The following NEK5 variants were observed in gnomAD, a reference collection of about 807,000 sequenced individuals.
NEK5 encodes NIMA related kinase 5, also known as serine/threonine-protein kinase Nek5.
In NEK5, 88 loss-of-function variants were observed where a neutral mutation model predicts 109.2. The ratio of observed to expected loss-of-function variants is 0.81; its 90% CI spans 0.68 to 0.96. The LOEUF (loss-of-function observed/expected upper bound fraction) is 0.96, where lower values mean the gene tolerates loss of function less well. Among genes scored for constraint, NEK5 ranks in the 40% least tolerant of loss-of-function variants. The pLI is 0.00. For missense variants in NEK5, 834 were observed against 920.7 expected, an observed-to-expected ratio of 0.91 and a Z score of 1.22; for synonymous variants, 283 against 299.9, an observed-to-expected ratio of 0.94 and a Z score of 0.58.
intron 5 of NEK5, among the ~76,000 whole-genome samples, chr13:52,110,894 A>C (rs1266964210): frequency 6.6e-6 from 1 of 151,980 alleles, no homozygotes; most frequent in Non-Finnish European, 1.5e-5. Flanking sequence ...TTTTTTTCCT[A>C]CTTAACCCTG....
At chr13:52,063,153 G>A (rs1007061124) in intron 21 of NEK5, among the ~76,000 whole-genome samples, 1 of 151,792 alleles carries the variant, frequency 6.6e-6, no homozygotes, top group African/African-American at 2.4e-5. Flanking sequence ...TTGCCATCTC[G>A]GCTCACTGCA....
intron 12 of NEK5, 139 bp from the exon 13 acceptor site, chr13:52,093,374 A>G (rs1434871702): frequency 1.6e-5 from 9 of 563,712 alleles, no homozygotes; most frequent in Non-Finnish European, 2.5e-5. Flanking sequence ...AGCCTGGCCA[A>G]CATGGCAAAA....
chr13:52,095,855 G>A (rs935776060), intron 12 of NEK5, among the ~76,000 whole-genome samples: 4 of 152,170 alleles, frequency 2.6e-5, no homozygotes, highest in Non-Finnish European at 4.4e-5. Flanking sequence ...AGCCTGGGAG[G>A]TCGAGTGATA....
chr13:52,065,554 T>C lies in NEK5; in HGVS notation c.1905A>G (p.Gly635=), dbSNP rs1210813110. ...TCATCTGCAGCAGAGTCTGAGGCGC[T>C]CCTCCATCCCACTGCCTCCTGTTTC... The part of the protein sequence containing the change: ...AVGNRRQWDG[G]APQTLLQMMA... Residue 635 remains glycine (G), a synonymous_variant, in exon 21 of 24, where the codon GGA becomes GGG. Coordinates refer to ENST00000684899, the MANE Select transcript of NEK5 (RefSeq NM_001365552.1). 1 of 1,614,092 alleles carries C rather than the reference T, an allele frequency of 6.2e-7. No individual in the cohort carries two copies. Among genetic ancestry groups the C allele is most frequent in the Admixed American group, 1.7e-5 (1 of 60,024 alleles).
chr13:52,108,187 A>G, intron 8 of NEK5, 131 bp downstream of exon 8: 1 of 613,766 alleles, frequency 1.6e-6, no homozygotes, highest in Non-Finnish European at 2.8e-6. Context: ...AATTTCACAC[A>G]TGAAGCAAAT....
intron 4 of NEK5, among the ~76,000 whole-genome samples, chr13:52,117,174 C>T (rs557938798): frequency 6.6e-6 from 1 of 152,354 alleles, no homozygotes; most frequent in East Asian, 1.9e-4. Flanking sequence ...CCGCCTCGGC[C>T]TCCCAGGGTG....
intron 9 of NEK5, among the ~76,000 whole-genome samples, chr13:52,104,157 A>G (rs1440748641): frequency 6.6e-6 from 1 of 151,940 alleles, no homozygotes; most frequent in African/African-American, 2.4e-5. Flanking sequence ...ACGGGGTGTC[A>G]CCATCATGTT....
intron 17 of NEK5, among the ~76,000 whole-genome samples, chr13:52,080,681 T>C (rs1264042452): frequency 2.6e-5 from 4 of 152,048 alleles, no homozygotes; most frequent in African/African-American, 9.7e-5. Context: ...GTTAAACAGA[T>C]GCTTGAAGGC....
chr13:52,057,578 C>T (rs1426681486), intron 22 of NEK5, among the ~76,000 whole-genome samples: 1 of 152,166 alleles, frequency 6.6e-6, no homozygotes, highest in Non-Finnish European at 1.5e-5. Flanking sequence ...AATCCAGCAG[C>T]ACATCAAAAA....
Position 52,065,582 on chromosome 13 carries a change from A to G in NEK5, c.1877T>C (p.Val626Ala). 2 of 1,613,934 alleles carry G rather than the reference A, an allele frequency of 1.2e-6. No individual in the cohort carries two copies. The highest frequency in any genetic ancestry group is 1.7e-6 in the Non-Finnish European group (2 of 1,179,812). ...AGFSTQTVAA[V>A]GNRRQWDGGA... Reference sequence around the variant, plus strand: ...TCCATCCCACTGCCTCCTGTTTCCCACAGCAGCTACAGTCTGCGTGGAAAA... The same window carrying G: ...TCCATCCCACTGCCTCCTGTTTCCCGCAGCAGCTACAGTCTGCGTGGAAAA... The change falls in exon 21 of 24, where the codon GTG (valine) becomes GCG (alanine). Residue 626 changes from valine to alanine, a missense_variant. By Grantham distance (64) the Val-to-Ala change is moderately conservative. Coordinates refer to ENST00000684899, the MANE Select transcript of NEK5 (RefSeq NM_001365552.1).
intron 23 of NEK5, among the ~76,000 whole-genome samples, chr13:52,039,000 T>C (rs1244434379): frequency 6.6e-6 from 1 of 152,040 alleles, no homozygotes; most frequent in Non-Finnish European, 1.5e-5. Context: ...GTAGTAGATA[T>C]TCAAAACAGG....
chr13:52,052,588 T>C (rs923942860), intron 22 of NEK5, among the ~76,000 whole-genome samples: 2 of 152,192 alleles, frequency 1.3e-5, no homozygotes, highest in African/African-American at 4.8e-5. Context: ...GTGAGATCCT[T>C]GATTTTGAAA....
chr13:52,126,380 C>A, intron 3 of NEK5, among the ~76,000 whole-genome samples: 1 of 152,076 alleles, frequency 6.6e-6, no homozygotes, highest in African/African-American at 2.4e-5. Flanking sequence ...TGTTTAGCAC[C>A]TATTATGTGA....
intron 22 of NEK5, among the ~76,000 whole-genome samples, chr13:52,055,229 CAAG>C (rs1013375927): frequency 2.0e-5 from 3 of 151,980 alleles, no homozygotes; most frequent in African/African-American, 7.3e-5. Context: ...TGAAATGAAG[CAAG>C]AAGGGAAGTT....
chr13:52,127,674 C>A lies in NEK5; in HGVS notation c.-90-12G>T. The A allele has an allele frequency of 1.9e-6, 1 of 536,226 alleles. No individual in the cohort carries two copies. The highest frequency in any genetic ancestry group is 2.5e-5 in the South Asian group (1 of 39,652). 33.2% of individuals were successfully genotyped at this position (536,226 alleles called of 1,614,324 possible). A position where few individuals can be genotyped will look rare whatever the true frequency, so the allele number is the denominator to read the frequency against. On this transcript the variant is annotated splice_polypyrimidine_tract_variant and intron_variant, in intron 1 of 23. Coordinates refer to ENST00000684899, the MANE Select transcript of NEK5 (RefSeq NM_001365552.1). The stretch of plus-strand genomic sequence containing the variant: ...GTGGCCACAGATAACTGAAATGAGA[C>A]AGAGTTTCTTGGTCAGACACGGGTC...
intron 19 of NEK5, among the ~76,000 whole-genome samples, chr13:52,075,447 A>G (rs1476136298): frequency 6.6e-6 from 1 of 152,156 alleles, no homozygotes; most frequent in African/African-American, 2.4e-5. Flanking sequence ...TTGGGTACTC[A>G]TGGACATAAA....
At chr13:52,091,396 T>G (rs2137929878) in intron 13 of NEK5, among the ~76,000 whole-genome samples, 1 of 152,310 alleles carries the variant, frequency 6.6e-6, no homozygotes, top group African/African-American at 2.4e-5. Flanking sequence ...GACATAACTT[T>G]TGATAATTGT....
intron 8 of NEK5, among the ~76,000 whole-genome samples, chr13:52,107,193 T>C (rs890107184): frequency 2.0e-5 from 3 of 152,192 alleles, no homozygotes; most frequent in Non-Finnish European, 1.5e-5. Context: ...TGCTCAGAGA[T>C]AGTCACTGGG....
intron 23 of NEK5, among the ~76,000 whole-genome samples, chr13:52,045,081 C>T (rs1019546359): frequency 1.1e-3 from 158 of 149,668 alleles, no homozygotes; most frequent in African/African-American, 3.7e-3. Context: ...AATGCAAATA[C>T]GTATAAAAAC....
Sources: allele counts gnomAD v4.1 joint callset (sites outside exome capture counted in the v4.1 genomes callset), GRCh38; gene constraint gnomAD v4.1.1; transcripts MANE v1.5; gene names NCBI Gene and HGNC (gene_info 2026-07-23, HGNC 2026-07-21).